Variants in SOX6 observed in about 807,000 individuals in gnomAD.
The protein encoded by SOX6 is SRY-box transcription factor 6, also known as transcription factor SOX-6.
SOX6 carries 11 observed loss-of-function variants against 97.8 expected under a neutral mutation model. The ratio of observed to expected loss-of-function variants is 0.11; its 90% CI spans 0.07 to 0.19. The LOEUF (loss-of-function observed/expected upper bound fraction) is 0.19. Among genes scored for constraint, SOX6 ranks in the 10% least tolerant of loss-of-function variants. The pLI, the probability that SOX6 is intolerant of heterozygous loss-of-function variation, is 1.00. For synonymous variants in SOX6, 360 were observed against 371.4 expected (o/e 0.97, Z 0.35); for missense variants, 810 against 1,039.5 (o/e 0.78, Z 3.04).
intron 4 of SOX6, among the ~76,000 whole-genome samples, chr11:16,583,603 G>GTATATATATATATATATATATATA (rs1848051876): frequency 4.4e-5 from 1 of 22,670 alleles, no homozygotes; most frequent in Non-Finnish European, 8.1e-5. Context: ...GTATATATGT[G>GTATATATATATATATATATATATA]TATATATATA....
chr11:16,299,997 G>A (rs974368469), intron 3 of SOX6, among the ~76,000 whole-genome samples: 6 of 152,088 alleles, frequency 3.9e-5, no homozygotes, highest in African/African-American at 1.4e-4. Flanking sequence ...CACGGCTGAG[G>A]AATAAGCTTA....
intron 1 of SOX6, among the ~76,000 whole-genome samples, chr11:16,441,453 G>C (rs1405102466): frequency 1.3e-5 from 2 of 151,992 alleles, no homozygotes; most frequent in Non-Finnish European, 2.9e-5. Flanking sequence ...TGATGCTTTT[G>C]TATTGAGAGG....
At chr11:16,378,842 G>T (rs1476669894) in intron 1 of SOX6, among the ~76,000 whole-genome samples, 1 of 151,754 alleles carries the variant, frequency 6.6e-6, no homozygotes, top group Non-Finnish European at 1.5e-5. Flanking sequence ...ATGACAAAGG[G>T]TTACTATTTT....
At chr11:16,306,870 C>T (rs757644041) in intron 3 of SOX6, among the ~76,000 whole-genome samples, 14 of 152,002 alleles carry the variant, frequency 9.2e-5, no homozygotes, top group African/African-American at 1.9e-4. Flanking sequence ...GTGATCCACC[C>T]GCCTCAGCCT....
At chr11:16,674,446 C>G (rs1437369709) in intron 3 of SOX6, among the ~76,000 whole-genome samples, 2 of 152,192 alleles carry the variant, frequency 1.3e-5, no homozygotes, top group Non-Finnish European at 2.9e-5. Flanking sequence ...TAATATCATA[C>G]TGACTGGGGA....
At chr11:16,320,714 G>T (rs1213310846) in intron 2 of SOX6, among the ~76,000 whole-genome samples, 1 of 151,872 alleles carries the variant, frequency 6.6e-6, no homozygotes, top group Admixed American at 6.6e-5. Flanking sequence ...GTGAAACCTG[G>T]GAATATATTA....
At chr11:16,370,523 T>C (rs1465932032) in intron 1 of SOX6, among the ~76,000 whole-genome samples, 1 of 152,132 alleles carries the variant, frequency 6.6e-6, no homozygotes. Context: ...AAAAAATGGA[T>C]TGAGATCCAG....
In SOX6 at chr11:16,318,408, GA is replaced by G. The variant is rs747244986; in HGVS notation, c.445+37del. 15 of 1,567,430 alleles carry G rather than the reference GA, an allele frequency of 9.6e-6. No individual in the cohort carries two copies. In the Admixed American group the frequency reaches 1.0e-4, roughly 11 times the overall value. The stretch of plus-strand genomic sequence containing the variant: ...TTTTTAAGGCCTGGAATCTTTAGAA[GA>G]AAAAAAACAGAGCCCAACAGTGAAG... On this transcript the variant is annotated intron_variant, in intron 3 of 15. Transcript: ENST00000683767.
At position 16,117,609 on chromosome 11, in the gene SOX6, A is replaced by T. The variant is rs80085494; in HGVS notation, c.778-5686T>A. Among the ~76,000 whole-genome samples, 1,161 of 152,314 alleles carry T rather than the reference A, an allele frequency of 7.6e-3. 21 individuals are homozygous for T. Among genetic ancestry groups the T allele is most frequent in the African/African-American group, 0.026 (1,081 of 41,568 alleles). Reference sequence around the variant, plus strand: ...AAGAGCAAGGTAAGGGGAAAAGACAAGGAAAGAGGCTTGGTGGCCACCTAA... The same window carrying T: ...AAGAGCAAGGTAAGGGGAAAAGACATGGAAAGAGGCTTGGTGGCCACCTAA... On this transcript the variant is annotated intron_variant, in intron 6 of 15. Transcript: ENST00000683767.
At chr11:16,529,917 CTTATATG>C (rs1321313725) in intron 4 of SOX6, among the ~76,000 whole-genome samples, 1 of 151,932 alleles carries the variant, frequency 6.6e-6, no homozygotes, top group African/African-American at 2.4e-5. Context: ...ATTATTATTG[CTTATATG>C]TGTGGGTGGA....
intron 4 of SOX6, among the ~76,000 whole-genome samples, chr11:16,602,907 G>A (rs1848287598): frequency 6.6e-6 from 1 of 152,094 alleles, no homozygotes; most frequent in Non-Finnish European, 1.5e-5. Flanking sequence ...TGTAATCCCA[G>A]TTACTCGGGA....
intron 1 of SOX6, among the ~76,000 whole-genome samples, chr11:16,407,771 G>A (rs919863613): frequency 1.3e-5 from 2 of 151,944 alleles, no homozygotes; most frequent in Non-Finnish European, 2.9e-5. Flanking sequence ...ACTAACACCC[G>A]AGGAACAAGA....
intron 6 of SOX6, among the ~76,000 whole-genome samples, chr11:16,136,669 C>T (rs1849974533): frequency 6.6e-6 from 1 of 152,152 alleles, no homozygotes. Flanking sequence ...CTCCTAGGCT[C>T]AAGCAATCCT....
At chr11:16,549,027 T>A (rs1209373716) in intron 4 of SOX6, among the ~76,000 whole-genome samples, 1 of 152,050 alleles carries the variant, frequency 6.6e-6, no homozygotes, top group East Asian at 1.9e-4. Flanking sequence ...AAAATAATAA[T>A]AAATTTGAAA....
intron 3 of SOX6, among the ~76,000 whole-genome samples, chr11:16,632,144 T>C (rs1848715934): frequency 1.3e-5 from 2 of 152,210 alleles, no homozygotes; most frequent in African/African-American, 4.8e-5. Flanking sequence ...TGTCATTACA[T>C]TCAGATTTTT....
intron 1 of SOX6, among the ~76,000 whole-genome samples, chr11:16,443,459 T>C (rs1257800370): frequency 6.6e-6 from 1 of 152,218 alleles, no homozygotes; most frequent in Non-Finnish European, 1.5e-5. Context: ...ATTTAGCACC[T>C]GTTGTAAACC....
intron 3 of SOX6, chr11:16,283,873 G>A: frequency 2.4e-6 from 1 of 412,678 alleles, no homozygotes; most frequent in Non-Finnish European, 4.7e-6. Context: ...AGCAGTTATG[G>A]TTTAAAATAA....
chr11:16,509,039 G>A (rs547779454), intron 4 of SOX6, among the ~76,000 whole-genome samples: 2 of 152,040 alleles, frequency 1.3e-5, no homozygotes, highest in East Asian at 3.9e-4. Flanking sequence ...ATTAAAAACT[G>A]GTAATAGACA....
chr11:16,413,988 TAAAGG>T (rs111562185), intron 1 of SOX6, among the ~76,000 whole-genome samples: 6,372 of 152,208 alleles, frequency 0.042, 423 homozygotes, highest in African/African-American at 0.14. Flanking sequence ...GGAAAGCGAT[TAAAGG>T]AAAGAATGGC....
Sources: allele counts gnomAD v4.1 joint callset (sites outside exome capture counted in the v4.1 genomes callset), GRCh38; gene constraint gnomAD v4.1.1; transcripts MANE v1.5; gene names NCBI Gene and HGNC (gene_info 2026-07-23, HGNC 2026-07-21).